NRXN3: variants seen among roughly 807,000 people sequenced by gnomAD.
The protein encoded by NRXN3 is neurexin III.
A neutral mutation model predicts 137.6 loss-of-function variants in NRXN3; 32 were observed. The ratio of observed to expected loss-of-function variants is 0.23; its 90% CI spans 0.18 to 0.31. The LOEUF is 0.31. Ranked by LOEUF, NRXN3 falls within the 10% of genes least tolerant of loss-of-function variation. The pLI is 1.00. For synonymous variants in NRXN3, 798 were observed against 784.5 expected (o/e 1.02, Z -0.29); for missense variants, 1,574 against 2,062.5 (o/e 0.76, Z 4.59).
intron 4 of NRXN3, among the ~76,000 whole-genome samples, chr14:78,602,685 A>G (rs1448058372): frequency 6.6e-6 from 1 of 152,080 alleles, no homozygotes; most frequent in Non-Finnish European, 1.5e-5. Context: ...CTAGAAGCAA[A>G]TTCCTACTCT....
intron 16 of NRXN3, among the ~76,000 whole-genome samples, chr14:79,484,875 T>C (rs2096641410): frequency 6.6e-6 from 1 of 152,336 alleles, no homozygotes; most frequent in South Asian, 2.1e-4. Context: ...TATAATTTGC[T>C]ATATAGCATA....
chr14:79,290,298 A>G lies in NRXN3; in HGVS notation c.3263-176923A>G, dbSNP rs565449258. Among the ~76,000 whole-genome samples the G allele has an allele frequency of 3.3e-5, 5 of 152,322 alleles. No individual in the cohort carries two copies. The South Asian group carries it at 1.0e-3, about 32-fold the overall frequency. ...GAAAATGAACTCGGGGTGAGCCACC[A>G]TGGTTGCTAGGCAATAGAGCGGGTT... On this transcript the variant is annotated intron_variant, in intron 15 of 20. Transcript: ENST00000335750.
intron 15 of NRXN3, among the ~76,000 whole-genome samples, chr14:79,389,525 C>T (rs549541207): frequency 8.4e-4 from 128 of 152,282 alleles, no homozygotes; most frequent in African/African-American, 2.9e-3. Flanking sequence ...CACATTCAAA[C>T]CATAGCATTT....
chr14:79,449,847 C>T (rs531442406), intron 15 of NRXN3, among the ~76,000 whole-genome samples: 4 of 151,952 alleles, frequency 2.6e-5, no homozygotes, highest in Non-Finnish European at 4.4e-5. Context: ...AAAAATTAGC[C>T]GGGTGTGGTG....
chr14:78,899,203 A>C (rs953191307), intron 10 of NRXN3, among the ~76,000 whole-genome samples: 1 of 149,944 alleles, frequency 6.7e-6, no homozygotes, highest in Non-Finnish European at 1.5e-5. Flanking sequence ...AGAGAGAAAA[A>C]GAAGAGGGAG....
chr14:78,423,132 A>G (rs1005181906), intron 4 of NRXN3, among the ~76,000 whole-genome samples: 5 of 152,078 alleles, frequency 3.3e-5, no homozygotes, highest in Non-Finnish European at 5.9e-5. Flanking sequence ...AGCATTTCCA[A>G]CTGGAAATGT....
intron 6 of NRXN3, among the ~76,000 whole-genome samples, chr14:78,664,540 C>T (rs911741029): frequency 6.6e-6 from 1 of 152,148 alleles, no homozygotes; most frequent in African/African-American, 2.4e-5. Context: ...TTCTGATGTC[C>T]CCTACTTCAT....
At chr14:79,362,032 T>C (rs183622615) in intron 15 of NRXN3, among the ~76,000 whole-genome samples, 28 of 147,916 alleles carry the variant, frequency 1.9e-4, no homozygotes, top group African/African-American at 6.6e-4. Flanking sequence ...TTATTATTAT[T>C]ATTTGCAACC....
chr14:79,271,270 A>C (rs1001173001), intron 15 of NRXN3, among the ~76,000 whole-genome samples: 2 of 152,134 alleles, frequency 1.3e-5, no homozygotes, highest in African/African-American at 4.8e-5. Context: ...AAACTTTTTT[A>C]AAAATATGGT....
rs1249928580 is a variant in NRXN3 at position 79,365,736 on chromosome 14, A to G, written c.3263-101485A>G. Reference sequence around the variant, plus strand: ...GCGAGACTCTGTCTCAAAAAAAAAAAAAAAAAAAGAAAAAAAAGAAGAGTT... The same window carrying G: ...GCGAGACTCTGTCTCAAAAAAAAAAGAAAAAAAAGAAAAAAAAGAAGAGTT... On this transcript the variant is annotated intron_variant, in intron 15 of 20. Coordinates refer to ENST00000335750, the MANE Select transcript of NRXN3 (RefSeq NM_001330195.2). Among the ~76,000 whole-genome samples, 113 of 145,684 alleles carry G rather than the reference A, an allele frequency of 7.8e-4. 5 individuals are homozygous for G. Among genetic ancestry groups the G allele is most frequent in the Non-Finnish European group, 1.4e-3 (92 of 66,418 alleles).
intron 7 of NRXN3, among the ~76,000 whole-genome samples, chr14:78,714,104 A>C (rs2098421149): frequency 6.6e-6 from 1 of 152,222 alleles, no homozygotes. Context: ...TGTTTCAGTT[A>C]AAATGTGTCA....
chr14:79,070,563 C>G (rs1201984438), intron 15 of NRXN3, among the ~76,000 whole-genome samples: 1 of 152,154 alleles, frequency 6.6e-6, no homozygotes, highest in East Asian at 1.9e-4. Context: ...ACATTTCTCT[C>G]CCTGTGTGTG....
At chr14:79,209,257 T>C (rs981384016) in intron 15 of NRXN3, among the ~76,000 whole-genome samples, 1 of 151,946 alleles carries the variant, frequency 6.6e-6, no homozygotes, top group African/African-American at 2.4e-5. Flanking sequence ...TTTAAAGTAA[T>C]GAATTGCTAG....
intron 4 of NRXN3, among the ~76,000 whole-genome samples, chr14:78,406,609 C>A (rs2092500946): frequency 6.6e-6 from 1 of 152,214 alleles, no homozygotes; most frequent in Non-Finnish European, 1.5e-5. Context: ...GAGCAGAAAT[C>A]CTCACAGCAC....
chr14:78,648,584 C>T (rs1020069209), intron 5 of NRXN3, among the ~76,000 whole-genome samples: 1 of 152,138 alleles, frequency 6.6e-6, no homozygotes, highest in African/African-American at 2.4e-5. Context: ...TCTCTGGTTG[C>T]ACACATCCAC....
At chr14:78,190,961 G>T (rs149276859) in intron 1 of NRXN3, among the ~76,000 whole-genome samples, 3 of 152,228 alleles carry the variant, frequency 2.0e-5, no homozygotes, top group African/African-American at 7.2e-5. Context: ...GGCATGAGCT[G>T]CTGCCCCCAC....
At chr14:78,573,591 G>A (rs1278017166) in intron 4 of NRXN3, among the ~76,000 whole-genome samples, 1 of 152,190 alleles carries the variant, frequency 6.6e-6, no homozygotes, top group African/African-American at 2.4e-5. Flanking sequence ...TGAGAGAGAT[G>A]ATTTAAGGTA....
intron 4 of NRXN3, among the ~76,000 whole-genome samples, chr14:78,586,469 A>G (rs937460650): frequency 6.6e-6 from 1 of 152,360 alleles, no homozygotes; most frequent in South Asian, 2.1e-4. Context: ...CATAAAAATT[A>G]AAGTAGATGA....
intron 15 of NRXN3, among the ~76,000 whole-genome samples, chr14:79,000,515 G>A (rs1027753047): frequency 1.5e-4 from 23 of 152,148 alleles, no homozygotes; most frequent in African/African-American, 4.8e-4. Flanking sequence ...CTAAATTCTC[G>A]ATATTTGGGG....
Sources: allele counts gnomAD v4.1 joint callset (sites outside exome capture counted in the v4.1 genomes callset), GRCh38; gene constraint gnomAD v4.1.1; transcripts MANE v1.5; gene names NCBI Gene and HGNC (gene_info 2026-07-23, HGNC 2026-07-21).